CSMD1: variants seen among roughly 807,000 people sequenced by gnomAD.
CSMD1 encodes CUB and sushi domain-containing protein 1.
A neutral mutation model predicts 417.5 loss-of-function variants in CSMD1; 213 were observed. The ratio of observed to expected loss-of-function variants is 0.51; its 90% CI spans 0.46 to 0.57. The LOEUF is 0.57. CSMD1 is among the 20% of genes least tolerant of loss of function. The pLI, the probability that CSMD1 is intolerant of heterozygous loss-of-function variation, is 0.00. For synonymous variants in CSMD1, 2,862 were observed against 1,736.8 expected (o/e 1.65, Z -16.11); for missense variants, 6,923 against 4,529.7 (o/e 1.53, Z -15.17).
intron 4 of CSMD1, among the ~76,000 whole-genome samples, chr8:4,007,816 C>G (rs1240064608): frequency 1.3e-5 from 2 of 151,954 alleles, no homozygotes; most frequent in Admixed American, 1.3e-4. Context: ...GGGCTATGCA[C>G]GGAATCAAAC....
intron 2 of CSMD1, among the ~76,000 whole-genome samples, chr8:4,600,341 G>C (rs1800516629): frequency 6.6e-6 from 1 of 152,126 alleles, no homozygotes; most frequent in Non-Finnish European, 1.5e-5. Flanking sequence ...GTTAGTCATA[G>C]CTATAGACTT....
intron 1 of CSMD1, among the ~76,000 whole-genome samples, chr8:4,951,219 T>G (rs1003129777): frequency 6.6e-6 from 1 of 152,142 alleles, no homozygotes; most frequent in African/African-American, 2.4e-5. Flanking sequence ...TGGTCCACAT[T>G]AATCCACAAA....
At chr8:3,565,170 C>CAAGA (rs71203446) in intron 10 of CSMD1, among the ~76,000 whole-genome samples, 3 of 86,330 alleles carry the variant, frequency 3.5e-5, no homozygotes, top group Non-Finnish European at 6.8e-5. Context: ...AGAGAGAGAT[C>CAAGA]AAGAAAGAAA....
At chr8:4,847,216 T>G (rs546930271) in intron 1 of CSMD1, among the ~76,000 whole-genome samples, 2 of 152,336 alleles carry the variant, frequency 1.3e-5, no homozygotes, top group Admixed American at 1.3e-4. Context: ...ATGAAATTAA[T>G]TAATGCTTAA....
intron 2 of CSMD1, among the ~76,000 whole-genome samples, chr8:4,531,803 C>T (rs111474990): frequency 0.053 from 8,030 of 152,218 alleles, 391 homozygotes; most frequent in Admixed American, 0.14. Context: ...TTTACAGCCA[C>T]CATCATAATC....
At chr8:4,504,495 G>A (rs1406290760) in intron 2 of CSMD1, among the ~76,000 whole-genome samples, 1 of 152,078 alleles carries the variant, frequency 6.6e-6, no homozygotes. Flanking sequence ...TTTAAGTTCT[G>A]GAATACATGT....
intron 30 of CSMD1, among the ~76,000 whole-genome samples, chr8:3,205,934 T>G (rs1797225795): frequency 2.0e-5 from 3 of 152,196 alleles, no homozygotes; most frequent in African/African-American, 7.2e-5. Context: ...TAAATTATTT[T>G]AGAAAGTCTC....
chr8:3,012,377 T>C (rs1808458712), intron 52 of CSMD1, among the ~76,000 whole-genome samples: 1 of 152,176 alleles, frequency 6.6e-6, no homozygotes, highest in Non-Finnish European at 1.5e-5. Flanking sequence ...TCCATTCCTG[T>C]GTTTGGCCAC....
chr8:4,365,183 C>A (rs1432754624), intron 3 of CSMD1, among the ~76,000 whole-genome samples: 1 of 152,056 alleles, frequency 6.6e-6, no homozygotes, highest in African/African-American at 2.4e-5. Flanking sequence ...GTTTTGCTCA[C>A]AATAAATATT....
intron 4 of CSMD1, among the ~76,000 whole-genome samples, chr8:4,027,392 A>G (rs1050442937): frequency 2.0e-5 from 3 of 152,064 alleles, no homozygotes; most frequent in Admixed American, 6.6e-5. Context: ...CCTAATCCCC[A>G]TGAGTTGGGG....
chr8:3,846,393 A>G (rs1338139275), intron 5 of CSMD1, among the ~76,000 whole-genome samples: 2 of 151,910 alleles, frequency 1.3e-5, no homozygotes, highest in Non-Finnish European at 2.9e-5. Context: ...TCTACATGTG[A>G]AATAGATAAA....
intron 3 of CSMD1, among the ~76,000 whole-genome samples, chr8:4,302,790 C>G (rs1798047371): frequency 6.6e-6 from 1 of 152,126 alleles, no homozygotes. Context: ...GCACCGTCAG[C>G]CCCTCTACAA....
At position 4,455,028 on chromosome 8, in the gene CSMD1, G is replaced by T. The variant is rs147698742; in HGVS notation, c.303-34963C>A. 2.0e-3 allele frequency among the ~76,000 whole-genome samples: 298 copies of T among 152,122 alleles called. 3 individuals carry two copies. Among genetic ancestry groups the T allele is most frequent in the African/African-American group, 6.9e-3 (287 of 41,464 alleles). Reference sequence around the variant, plus strand: ...TGTTGCTATCCCAGTGTGTCAGTCCGCTGTCATCAACACAATATCACCATG... The same window carrying T: ...TGTTGCTATCCCAGTGTGTCAGTCCTCTGTCATCAACACAATATCACCATG... On this transcript the variant is annotated intron_variant, in intron 2 of 69. Coordinates refer to ENST00000635120, the MANE Select transcript of CSMD1 (RefSeq NM_033225.6).
chr8:4,622,360 G>T lies in CSMD1; in HGVS notation c.302+14982C>A, dbSNP rs182140135. ...ATGCTGAGGCTCAACACTCCACACA[G>T]TCCAGCACGAGTGCCAGCTAATGTC... is the stretch of plus-strand genomic sequence containing the variant. On this transcript the variant is annotated intron_variant, in intron 2 of 69. Transcript: ENST00000635120. Among the ~76,000 whole-genome samples the T allele has an allele frequency of 4.6e-5, 7 of 152,180 alleles. No homozygotes were observed. The East Asian group carries it at 1.2e-3, about 25-fold the overall frequency.
intron 3 of CSMD1, among the ~76,000 whole-genome samples, chr8:4,052,876 G>A: frequency 6.6e-6 from 1 of 152,114 alleles, no homozygotes. Context: ...TGATTCCAAT[G>A]CAGTAGTCCA....
intron 3 of CSMD1, among the ~76,000 whole-genome samples, chr8:4,095,774 C>T (rs886507214): frequency 6.6e-6 from 1 of 152,150 alleles, no homozygotes; most frequent in Non-Finnish European, 1.5e-5. Context: ...TACGTGAATT[C>T]AGTTCTAAGG....
At chr8:4,351,177 G>A (rs1211820508) in intron 3 of CSMD1, among the ~76,000 whole-genome samples, 1 of 151,626 alleles carries the variant, frequency 6.6e-6, no homozygotes, top group Middle Eastern at 3.2e-3. Flanking sequence ...ATTAGGGAAA[G>A]AACAAATGAC....
rs147060490 is a variant in CSMD1 at position 4,353,626 on chromosome 8, C to T, written c.415+66327G>A. On this transcript the variant is annotated intron_variant, in intron 3 of 69. Transcript: ENST00000635120. ...ATAAGGCAACTAAAGAGCAGAGTCA[C>T]GCCCAACGGGACAGGCTAAACCTTC... Among the ~76,000 whole-genome samples the T allele has an allele frequency of 6.6e-5, 10 of 152,136 alleles. No individual in the cohort carries two copies. In the East Asian group the frequency reaches 9.7e-4, roughly 15 times the overall value.
chr8:4,883,201 A>G (rs115870813), intron 1 of CSMD1, among the ~76,000 whole-genome samples: 2,955 of 152,216 alleles, frequency 0.019, 120 homozygotes, highest in African/African-American at 0.067. Context: ...CTAGCAGAAC[A>G]TGACGTCTAC....
Sources: gnomAD v4.1 joint callset for allele counts (sites outside exome capture counted in the v4.1 genomes callset) on GRCh38, gnomAD v4.1.1 for gene constraint, MANE v1.5 for transcripts, NCBI Gene and HGNC (gene_info 2026-07-23, HGNC 2026-07-21) for gene names.